Variants in TDRP observed in about 807,000 individuals in gnomAD.
TDRP encodes testis development-related protein.
A neutral mutation model predicts 10.5 loss-of-function variants in TDRP; 12 were observed. The ratio of observed to expected loss-of-function variants is 1.15; its 90% CI spans 0.73 to 1.86. TDRP has a LOEUF of 1.86. TDRP is among the 40% of genes most tolerant of loss of function. The pLI is 0.00. For synonymous variants in TDRP, 139 were observed against 95.4 expected (o/e 1.46, Z -2.67); for missense variants, 353 against 229.2 (o/e 1.54, Z -3.49).
At chr8:533,302 T>A (rs551340253) in intron 1 of TDRP, among the ~76,000 whole-genome samples, 1 of 152,178 alleles carries the variant, frequency 6.6e-6, no homozygotes, top group Admixed American at 6.5e-5. Context: ...AGCACGTCCA[T>A]CGCAGCCTCA....
chr8:529,934 G>A (rs1014464763), intron 1 of TDRP, among the ~76,000 whole-genome samples: 2 of 151,864 alleles, frequency 1.3e-5, no homozygotes, highest in Admixed American at 6.6e-5. Context: ...CTCATATTTG[G>A]GATGTTTTGC....
intron 2 of TDRP, 48 bp downstream of exon 2, chr8:494,446 T>G (rs773230203): frequency 1.3e-6 from 2 of 1,567,680 alleles, no homozygotes; most frequent in Admixed American, 3.4e-5. Context: ...CCTCAGTGAC[T>G]TCCTCCCTCT....
chr8:544,631 C>A lies in TDRP; in HGVS notation c.108+19G>T, dbSNP rs780088725. On this transcript the variant is annotated intron_variant, in intron 1 of 2. Coordinates refer to ENST00000324079, the MANE Select transcript of TDRP (RefSeq NM_001384899.1). ...GCGCCCCCGGCCTACTAGCACTCCC[C>A]ACCTGCGCACCCCCTCACCTGCGCC... 3.2e-6 allele frequency: 4 copies of A among 1,234,286 alleles called. No homozygotes were observed. The African/African-American group carries it at 6.2e-5, about 19-fold the overall frequency. The allele number at this position is 1,234,286 out of a possible 1,614,324, so 76.5% of individuals were successfully genotyped here.
intron 1 of TDRP, among the ~76,000 whole-genome samples, chr8:527,314 C>A (rs895213279): frequency 3.9e-5 from 6 of 152,034 alleles, no homozygotes; most frequent in African/African-American, 1.2e-4. Flanking sequence ...CTGGAAGAGT[C>A]ACTATTGTTA....
chr8:514,571 T>C (rs6990438), intron 1 of TDRP, among the ~76,000 whole-genome samples: 24,644 of 151,990 alleles, frequency 0.16, 2,078 homozygotes, highest in South Asian at 0.25. Context: ...CAGAAACACA[T>C]GACCTTAGCT....
At position 492,593 on chromosome 8, in the gene TDRP, C is replaced by T. The variant is rs759950235; in HGVS notation, c.364G>A (p.Asp122Asn). 1.2e-6 allele frequency: 2 copies of T among 1,613,804 alleles called. No individual in the cohort carries two copies. The highest frequency in any genetic ancestry group is 1.3e-5 in the African/African-American group (1 of 74,938). ...PKLALEDISA[D>N]PEDTVGGHPS... ...TGGCCACCCACGGTGTCCTCAGGGT[C>T]AGCCGATATGTCTTCAAGAGCAAGT... is the stretch of plus-strand genomic sequence containing the variant. Residue 122 changes from aspartate to asparagine, a missense_variant, in exon 3 of 3, where the codon GAC becomes AAC. Transcript: ENST00000324079.
intron 1 of TDRP, among the ~76,000 whole-genome samples, chr8:535,561 G>A (rs1355810620): frequency 6.6e-6 from 1 of 152,148 alleles, no homozygotes; most frequent in Non-Finnish European, 1.5e-5. Flanking sequence ...TTCAGTCTTT[G>A]GCTTTTAACT....
intron 1 of TDRP, among the ~76,000 whole-genome samples, chr8:537,217 G>T (rs889951771): frequency 1.3e-5 from 2 of 152,190 alleles, no homozygotes; most frequent in East Asian, 1.9e-4. Context: ...TGGTCTTGGG[G>T]ATACAGCACT....
intron 1 of TDRP, among the ~76,000 whole-genome samples, chr8:519,674 C>A (rs2116816173): frequency 6.6e-6 from 1 of 152,048 alleles, no homozygotes; most frequent in Admixed American, 6.5e-5. Context: ...GTAAAAAGAA[C>A]CCAAAATAAT....
At chr8:499,234 T>C (rs1179275365) in intron 1 of TDRP, among the ~76,000 whole-genome samples, 1 of 152,188 alleles carries the variant, frequency 6.6e-6, no homozygotes, top group Non-Finnish European at 1.5e-5. Flanking sequence ...GTTTTTGTTT[T>C]GTTTTGTTTT....
At chr8:496,809 C>T (rs1017352547) in intron 1 of TDRP, among the ~76,000 whole-genome samples, 4 of 152,164 alleles carry the variant, frequency 2.6e-5, no homozygotes, top group African/African-American at 7.2e-5. Flanking sequence ...ATCATGGGGG[C>T]AGATTTTCCT....
intron 1 of TDRP, among the ~76,000 whole-genome samples, chr8:543,056 C>T (rs962996951): frequency 5.9e-5 from 9 of 152,134 alleles, no homozygotes; most frequent in African/African-American, 2.2e-4. Flanking sequence ...GCCTGTGATC[C>T]TAGTACCTTG....
chr8:495,363 C>T (rs570543072), intron 1 of TDRP, among the ~76,000 whole-genome samples: 3 of 152,316 alleles, frequency 2.0e-5, no homozygotes, highest in East Asian at 1.9e-4. Flanking sequence ...TACCTTTAAG[C>T]GTCAGCATCT....
chr8:537,559 A>AG (rs1563133364), intron 1 of TDRP, among the ~76,000 whole-genome samples: 1 of 152,186 alleles, frequency 6.6e-6, no homozygotes, highest in African/African-American at 2.4e-5. Context: ...ATTTCATCCC[A>AG]GGGGCAGGAC....
At chr8:527,681 T>C (rs1322889946) in intron 1 of TDRP, among the ~76,000 whole-genome samples, 1 of 152,112 alleles carries the variant, frequency 6.6e-6, no homozygotes, top group African/African-American at 2.4e-5. Flanking sequence ...AATAAATGGT[T>C]CTGGGAAAAC....
chr8:537,243 G>A lies in TDRP; in HGVS notation c.108+7407C>T, dbSNP rs527684189. Among the ~76,000 whole-genome samples, 18 of 152,280 alleles carry A rather than the reference G, an allele frequency of 1.2e-4. No individual in the cohort carries two copies. In the South Asian group the frequency reaches 3.3e-3, roughly 28 times the overall value. ...ATACAGCACTGAGCATTCAGCCTAGGATGAAATGGTCCTCCAGAGAGGCTT... is the reference window on the plus strand; with the variant it reads ...ATACAGCACTGAGCATTCAGCCTAGAATGAAATGGTCCTCCAGAGAGGCTT... On this transcript the variant is annotated intron_variant, in intron 1 of 2. Coordinates refer to ENST00000324079, the MANE Select transcript of TDRP (RefSeq NM_001384899.1).
At chr8:529,334 T>A (rs1472437199) in intron 1 of TDRP, among the ~76,000 whole-genome samples, 1 of 152,210 alleles carries the variant, frequency 6.6e-6, no homozygotes, top group African/African-American at 2.4e-5. Flanking sequence ...TTTATATTTT[T>A]ATCTATTAAC....
At chr8:519,932 G>T (rs747950821) in intron 1 of TDRP, among the ~76,000 whole-genome samples, 2 of 152,178 alleles carry the variant, frequency 1.3e-5, no homozygotes, top group Non-Finnish European at 2.9e-5. Flanking sequence ...GGAAATATAT[G>T]ACCAGATAAG....
Position 511,416 on chromosome 8 carries a change from A to G in TDRP, c.109-16819T>C, listed in dbSNP as rs1801612868. 4.6e-5 allele frequency among the ~76,000 whole-genome samples: 7 copies of G among 152,308 alleles called. No individual in the cohort carries two copies. The South Asian group carries it at 1.4e-3, about 32-fold the overall frequency. On this transcript the variant is annotated intron_variant, in intron 1 of 2. Coordinates refer to ENST00000324079, the MANE Select transcript of TDRP (RefSeq NM_001384899.1). ...ATAAATGCAACAGCCCATCAGGAAG[A>G]TATAACAATTAAAGACTTACATGTA...
Sources: gnomAD v4.1 joint callset for allele counts (sites outside exome capture counted in the v4.1 genomes callset) on GRCh38, gnomAD v4.1.1 for gene constraint, MANE v1.5 for transcripts, NCBI Gene and HGNC (gene_info 2026-07-23, HGNC 2026-07-21) for gene names.